Variants in SPHKAP observed in about 807,000 individuals in gnomAD.
SPHKAP encodes SPHK1 interactor, AKAP domain containing, also known as A-kinase anchor protein SPHKAP.
In SPHKAP, 67 loss-of-function variants were observed where a neutral mutation model predicts 137.5. That is an observed-to-expected ratio of 0.49 (90% CI 0.40 to 0.60). The LOEUF is 0.60. SPHKAP is among the 20% of genes least tolerant of loss of function. The pLI, the probability that SPHKAP is intolerant of heterozygous loss-of-function variation, is 0.00. For missense variants in SPHKAP, 2,097 were observed against 2,069.3 expected (o/e 1.01, Z -0.26); for synonymous variants, 813 against 785.3 (o/e 1.04, Z -0.59).
At chr2:228,052,522 A>G (rs1696293894) in intron 3 of SPHKAP, among the ~76,000 whole-genome samples, 1 of 152,190 alleles carries the variant, frequency 6.6e-6, no homozygotes, top group African/African-American at 2.4e-5. Context: ...AAGCCAAAAG[A>G]CATCAGAGCA....
intron 1 of SPHKAP, among the ~76,000 whole-genome samples, chr2:228,148,457 T>C (rs554188289): frequency 6.6e-6 from 1 of 152,210 alleles, no homozygotes; most frequent in South Asian, 2.1e-4. Context: ...GGGTAAAATT[T>C]GATGGTAAAG....
intron 11 of SPHKAP, 62 bp downstream of exon 11, chr2:227,990,938 T>C: frequency 6.5e-7 from 1 of 1,542,280 alleles, no homozygotes; most frequent in Non-Finnish European, 8.9e-7. Context: ...GAGCATTTAC[T>C]GAGTTTCCAG....
At chr2:228,168,989 A>G (rs903864637) in intron 1 of SPHKAP, among the ~76,000 whole-genome samples, 1 of 152,216 alleles carries the variant, frequency 6.6e-6, no homozygotes, top group Non-Finnish European at 1.5e-5. Context: ...CAACCACAAC[A>G]TTCCCTTAAG....
At chr2:228,011,810 G>C (rs1025617187) in intron 7 of SPHKAP, among the ~76,000 whole-genome samples, 28 of 152,068 alleles carry the variant, frequency 1.8e-4, no homozygotes, top group African/African-American at 5.6e-4. Flanking sequence ...AAAAAATCTA[G>C]CACCTCACAT....
At chr2:227,995,969 C>T (rs1693627188) in intron 7 of SPHKAP, 1 of 985,334 alleles carries the variant, frequency 1.0e-6, no homozygotes, top group Non-Finnish European at 1.2e-6. Flanking sequence ...GCCTGGCCTA[C>T]ACACAAAAGA....
chr2:228,079,847 T>C (rs1431669108), intron 3 of SPHKAP, among the ~76,000 whole-genome samples: 2 of 152,216 alleles, frequency 1.3e-5, no homozygotes, highest in African/African-American at 2.4e-5. Flanking sequence ...GGCCTACCTG[T>C]CTGCTGATTC....
chr2:227,982,031 T>C, intron 11 of SPHKAP, 171 bp from the exon 12 acceptor site: 1 of 982,172 alleles, frequency 1.0e-6, no homozygotes, highest in Non-Finnish European at 1.2e-6. Flanking sequence ...TTCAGATTAT[T>C]ACCGAACTTC....
intron 3 of SPHKAP, among the ~76,000 whole-genome samples, chr2:228,056,641 C>A (rs1037331086): frequency 6.6e-6 from 1 of 151,334 alleles, no homozygotes; most frequent in Non-Finnish European, 1.5e-5. Flanking sequence ...TGTATGAGCA[C>A]GAGCCAGAGG....
intron 7 of SPHKAP, among the ~76,000 whole-genome samples, chr2:227,999,139 G>A (rs1693749769): frequency 6.6e-6 from 1 of 152,190 alleles, no homozygotes; most frequent in Non-Finnish European, 1.5e-5. Context: ...GTGTGAACTT[G>A]TCACCTAAGG....
chr2:228,152,312 G>T (rs1283101538), intron 1 of SPHKAP, among the ~76,000 whole-genome samples: 2 of 151,874 alleles, frequency 1.3e-5, no homozygotes, highest in Non-Finnish European at 2.9e-5. Flanking sequence ...TTTTATTTTT[G>T]AGGCAATTTT....
intron 7 of SPHKAP, among the ~76,000 whole-genome samples, chr2:228,009,636 G>A (rs1006095555): frequency 1.3e-5 from 2 of 152,044 alleles, no homozygotes; most frequent in African/African-American, 4.8e-5. Flanking sequence ...GCAAGTTTAT[G>A]TTGTTGAGTA....
chr2:228,133,869 G>C (rs1305406440), intron 1 of SPHKAP, among the ~76,000 whole-genome samples: 5 of 152,100 alleles, frequency 3.3e-5, no homozygotes, highest in Admixed American at 3.3e-4. Context: ...ACAAATCATA[G>C]ATTCAGGCAA....
At position 227,981,740 on chromosome 2, in the gene SPHKAP, CAA is replaced by C; in HGVS notation, c.5078_5079del (p.Phe1693Ter). 6.2e-7 allele frequency: 1 copy of C among 1,613,470 alleles called. No individual in the cohort carries two copies. The highest frequency in any genetic ancestry group is 8.5e-7 in the Non-Finnish European group (1 of 1,179,610). ...TATTATCCCAGTTCCAAGAGCCAGT[CAA>C]AGAGACTCAGTCTCCCATCCTTCTG... ...EEQKDGRLSL[F>X]DWLLELG On this transcript the variant is annotated frameshift_variant, in exon 12 of 12. Coordinates refer to ENST00000392056, the MANE Select transcript of SPHKAP (RefSeq NM_001142644.2). LOFTEE classifies it high-confidence loss of function.
intron 1 of SPHKAP, among the ~76,000 whole-genome samples, chr2:228,177,278 C>G (rs948857694): frequency 4.6e-5 from 7 of 151,808 alleles, no homozygotes; most frequent in African/African-American, 1.7e-4. Context: ...AACGTGGACT[C>G]TCAGAGTTTG....
At chr2:228,127,108 C>G (rs1699100452) in intron 2 of SPHKAP, among the ~76,000 whole-genome samples, 1 of 152,168 alleles carries the variant, frequency 6.6e-6, no homozygotes, top group Non-Finnish European at 1.5e-5. Context: ...CCGTGTTACT[C>G]TCAGTGAAGG....
intron 3 of SPHKAP, among the ~76,000 whole-genome samples, chr2:228,048,183 A>T (rs1337730225): frequency 6.6e-6 from 1 of 152,172 alleles, no homozygotes; most frequent in Non-Finnish European, 1.5e-5. Context: ...CTGCCACGAA[A>T]TTGGAGCACC....
intron 3 of SPHKAP, among the ~76,000 whole-genome samples, chr2:228,060,160 T>C (rs991540949): frequency 6.6e-6 from 1 of 152,132 alleles, no homozygotes; most frequent in Admixed American, 6.5e-5. Context: ...TTAAATAGGA[T>C]AGAAGGGATA....
intron 1 of SPHKAP, among the ~76,000 whole-genome samples, chr2:228,162,091 G>A (rs1184550763): frequency 6.6e-6 from 1 of 152,174 alleles, no homozygotes. Context: ...TTTGATAGAT[G>A]TTGGTTGTAA....
intron 2 of SPHKAP, among the ~76,000 whole-genome samples, chr2:228,122,017 A>G (rs191137121): frequency 6.6e-6 from 1 of 152,148 alleles, no homozygotes; most frequent in Admixed American, 6.6e-5. Context: ...GGAGACCTTG[A>G]GGCCAGTGAT....
Sources: gnomAD v4.1 joint callset for allele counts (sites outside exome capture counted in the v4.1 genomes callset) on GRCh38, gnomAD v4.1.1 for gene constraint, MANE v1.5 for transcripts, NCBI Gene and HGNC (gene_info 2026-07-23, HGNC 2026-07-21) for gene names.